PTCHD1: variants seen among roughly 807,000 people sequenced by gnomAD.
The protein encoded by PTCHD1 is patched domain-containing protein 1.
Under a neutral mutation model 34.6 loss-of-function variants are expected in PTCHD1, and 3 were observed. The observed-to-expected ratio is 0.09, with a 90% CI of 0.04 to 0.22. PTCHD1 has a LOEUF of 0.22. Ranked by LOEUF, PTCHD1 falls within the 10% of genes least tolerant of loss-of-function variation. The pLI, the probability that PTCHD1 is intolerant of heterozygous loss-of-function variation, is 1.00. For missense variants in PTCHD1, 504 were observed against 685.5 expected (o/e 0.74, Z 2.96); for synonymous variants, 305 against 283.1 (o/e 1.08, Z -0.77).
At chrX:23,363,472 T>C (rs946689608) in intron 1 of PTCHD1, among the ~76,000 whole-genome samples, 6 of 113,057 alleles carry the variant, frequency 5.3e-5, no homozygotes, top group Non-Finnish European at 1.1e-4. Context: ...GCGTGAGATA[T>C]AATCTCCTGG....
At position 23,401,260 on chromosome X, in the gene PTCHD1, A is replaced by G. The variant is rs1923117173; in HGVS notation, c.*7075A>G. 8.9e-6 allele frequency: 1 copy of G among 112,458 alleles called. No individual in the cohort carries two copies. Among genetic ancestry groups the G allele is most frequent in the Admixed American group, 9.3e-5 (1 of 10,700 alleles). 9.3% of individuals were successfully genotyped at this position (112,458 alleles called of 1,213,427 possible). The stretch of plus-strand genomic sequence containing the variant: ...AAGACCCAGCCCATTTCCATTACTC[A>G]TTCCAGGCTCATGCTCAGGAAAACT... On this transcript the variant is annotated 3_prime_UTR_variant, in exon 3 of 3. Coordinates refer to ENST00000379361, the MANE Select transcript of PTCHD1 (RefSeq NM_173495.3).
At chrX:23,388,135 C>T (rs764371371) in intron 2 of PTCHD1, among the ~76,000 whole-genome samples, 56 of 111,276 alleles carry the variant, frequency 5.0e-4, no homozygotes, top group Non-Finnish European at 9.4e-4. Context: ...CTCCCAATAA[C>T]ACCACAGGGT....
intron 1 of PTCHD1, among the ~76,000 whole-genome samples, chrX:23,339,469 C>T (rs922469756): frequency 8.9e-6 from 1 of 112,035 alleles, no homozygotes; most frequent in African/African-American, 3.2e-5. Context: ...GATCTCATTT[C>T]GCTCAAATAT....
intron 1 of PTCHD1, among the ~76,000 whole-genome samples, chrX:23,354,866 C>T (rs1355327918): frequency 1.9e-5 from 2 of 107,108 alleles, no homozygotes; most frequent in Admixed American, 9.9e-5. Flanking sequence ...CCACCACACC[C>T]GGCCAAAATT....
At chrX:23,376,656 A>G (rs914762651) in intron 1 of PTCHD1, among the ~76,000 whole-genome samples, 7 of 112,253 alleles carry the variant, frequency 6.2e-5, no homozygotes, top group Non-Finnish European at 1.3e-4. Context: ...GAGCCACTGC[A>G]GAAGTCACAG....
intron 1 of PTCHD1, among the ~76,000 whole-genome samples, chrX:23,374,602 TC>T (rs1461836753): frequency 2.1e-5 from 2 of 97,312 alleles, no homozygotes; most frequent in African/African-American, 4.6e-5. Context: ...GAGAGGGAAA[TC>T]TTTTTTTTTT....
intron 1 of PTCHD1, among the ~76,000 whole-genome samples, chrX:23,357,155 G>A (rs1056060233): frequency 8.9e-6 from 1 of 111,805 alleles, no homozygotes; most frequent in Non-Finnish European, 1.9e-5. Flanking sequence ...TTAGCTTACT[G>A]GTCTTGAAGT....
intron 1 of PTCHD1, among the ~76,000 whole-genome samples, chrX:23,345,153 G>T (rs889744588): frequency 8.9e-6 from 1 of 111,898 alleles, no homozygotes; most frequent in African/African-American, 3.3e-5. Flanking sequence ...CTTTTTATAG[G>T]ATCCCAAAAG....
At chrX:23,345,343 C>G (rs768100573) in intron 1 of PTCHD1, among the ~76,000 whole-genome samples, 15 of 112,260 alleles carry the variant, frequency 1.3e-4, no homozygotes, top group African/African-American at 4.5e-4. Flanking sequence ...GATTCTGATT[C>G]AGTAGGTCTG....
chrX:23,387,747 TTA>T (rs1202281413), intron 2 of PTCHD1, among the ~76,000 whole-genome samples: 3 of 111,564 alleles, frequency 2.7e-5, no homozygotes, highest in Non-Finnish European at 5.6e-5. Context: ...CTCTTTCTCT[TTA>T]TGTGTGTGTG....
chrX:23,352,546 C>T (rs1921665088), intron 1 of PTCHD1, among the ~76,000 whole-genome samples: 2 of 111,534 alleles, frequency 1.8e-5, no homozygotes, highest in Admixed American at 9.4e-5. Context: ...AATTATTTGG[C>T]ATTTGAATAG....
intron 1 of PTCHD1, among the ~76,000 whole-genome samples, chrX:23,349,791 TAATCAG>T (rs1164419279): frequency 1.5e-4 from 16 of 110,263 alleles, no homozygotes; most frequent in African/African-American, 5.3e-4. Context: ...AGGATATAGA[TAATCAG>T]GACAGAGTAA....
chrX:23,359,619 T>A (rs2146624672), intron 1 of PTCHD1, among the ~76,000 whole-genome samples: 1 of 112,175 alleles, frequency 8.9e-6, no homozygotes, highest in East Asian at 2.8e-4. Context: ...CTTTCTCTTT[T>A]CCTAATTGAA....
chrX:23,384,546 A>G (rs997939114), intron 2 of PTCHD1, among the ~76,000 whole-genome samples: 1 of 112,379 alleles, frequency 8.9e-6, no homozygotes, highest in Non-Finnish European at 1.9e-5. Flanking sequence ...ATTGGGTTCC[A>G]TTCTCCAAGA....
rs976703254 is a variant in PTCHD1, at chrX:23,404,108, C to G, written c.*9923C>G. 2.2e-4 allele frequency: 25 copies of G among 112,279 alleles called. No individual in the cohort carries two copies. Among genetic ancestry groups the G allele is most frequent in the Admixed American group, 2.1e-3 (22 of 10,648 alleles). The allele number at this position is 112,279 out of a possible 1,213,427, so 9.3% of individuals were successfully genotyped here. A position where few individuals can be genotyped will look rare whatever the true frequency, so the allele number is the denominator to read the frequency against. On this transcript the variant is annotated 3_prime_UTR_variant, in exon 3 of 3. Transcript: ENST00000379361. ...ATACAATGTAGAAGCCCCCAAGTCA[C>G]CTGGGAAATGGCTCATGCCAAATAC...
chrX:23,351,030 C>T (rs1921619453), intron 1 of PTCHD1: 2 of 380,554 alleles, frequency 5.3e-6, no homozygotes, highest in Non-Finnish European at 4.6e-6. Context: ...TCTACTTTTC[C>T]TATCCTGATT....
At chrX:23,338,453 TAACAA>T (rs1921227587) in intron 1 of PTCHD1, among the ~76,000 whole-genome samples, 1 of 112,352 alleles carries the variant, frequency 8.9e-6, no homozygotes, top group African/African-American at 3.2e-5. Context: ...TCCAGGCTGT[TAACAA>T]AACAATTCTT....
intron 1 of PTCHD1, among the ~76,000 whole-genome samples, chrX:23,346,084 G>A (rs764545384): frequency 7.2e-5 from 8 of 111,851 alleles, no homozygotes; most frequent in African/African-American, 2.0e-4. Flanking sequence ...CAAAGCTTTC[G>A]TTCTTCCAAA....
chrX:23,382,002 C>T (rs946942330), intron 2 of PTCHD1, among the ~76,000 whole-genome samples: 1 of 111,376 alleles, frequency 9.0e-6, no homozygotes, highest in Non-Finnish European at 1.9e-5. Context: ...GAAGGGTTTT[C>T]GTTTCGTTTC....
Sources: allele counts gnomAD v4.1 joint callset (sites outside exome capture counted in the v4.1 genomes callset), GRCh38; gene constraint gnomAD v4.1.1; transcripts MANE v1.5; gene names NCBI Gene and HGNC (gene_info 2026-07-23, HGNC 2026-07-21).